Variants in GALNT13 observed in about 807,000 individuals in gnomAD.
The protein encoded by GALNT13 is UDP-GalNAc:polypeptide N-acetylgalactosaminyltransferase 13.
In GALNT13, 28 loss-of-function variants were observed where a neutral mutation model predicts 64.2. The ratio of observed to expected loss-of-function variants is 0.44; its 90% CI spans 0.32 to 0.60. GALNT13 has a LOEUF of 0.60. Among genes scored for constraint, GALNT13 ranks in the 20% least tolerant of loss-of-function variants. GALNT13 has a pLI of 0.05. For missense variants in GALNT13, 577 were observed against 669.8 expected (o/e 0.86, Z 1.53); for synonymous variants, 214 against 224.6 (o/e 0.95, Z 0.42).
At chr2:154,291,630 G>C (rs1447132336) in intron 8 of GALNT13, among the ~76,000 whole-genome samples, 1 of 152,128 alleles carries the variant, frequency 6.6e-6, no homozygotes, top group Admixed American at 6.5e-5. Context: ...CCCAGAACCC[G>C]GCCGGCCCAC....
intron 11 of GALNT13, among the ~76,000 whole-genome samples, chr2:154,410,481 G>A (rs559722633): frequency 6.6e-6 from 1 of 152,018 alleles, no homozygotes; most frequent in African/African-American, 2.4e-5. Context: ...CCACATTCAA[G>A]GCAGGAATAT....
At chr2:153,951,534 G>C (rs1231097707) in intron 3 of GALNT13, among the ~76,000 whole-genome samples, 1 of 152,132 alleles carries the variant, frequency 6.6e-6, no homozygotes, top group East Asian at 1.9e-4. Flanking sequence ...TGGATTGCTT[G>C]CTTGATTCTG....
intron 3 of GALNT13, among the ~76,000 whole-genome samples, chr2:154,048,095 A>G (rs1188693053): frequency 1.3e-5 from 2 of 152,228 alleles, no homozygotes; most frequent in Non-Finnish European, 2.9e-5. Flanking sequence ...TAACCATGGC[A>G]GAAGGCGAAG....
the GALNT13 span, among the ~76,000 whole-genome samples, chr2:153,680,792 C>T: frequency 1.3e-5 from 2 of 151,878 alleles, no homozygotes; most frequent in Admixed American, 1.3e-4. Context: ...TAATATTTGT[C>T]CATCCTCTAA....
At chr2:153,710,950 T>A in the GALNT13 span, among the ~76,000 whole-genome samples, 90 of 152,206 alleles carry the variant, frequency 5.9e-4, no homozygotes, top group African/African-American at 2.0e-3. Context: ...TCTATTTTCT[T>A]TATGAATAAA....
the GALNT13 span, among the ~76,000 whole-genome samples, chr2:153,355,098 A>G: frequency 6.6e-6 from 1 of 152,216 alleles, no homozygotes; most frequent in Non-Finnish European, 1.5e-5. Context: ...TCAGAACAAA[A>G]TATCACGTTA....
chr2:153,806,684 A>AC, the GALNT13 span, among the ~76,000 whole-genome samples: 2 of 151,464 alleles, frequency 1.3e-5, no homozygotes, highest in Non-Finnish European at 3.0e-5. Flanking sequence ...AATTTGTAAA[A>AC]AAAAAAAAAA....
At chr2:154,314,689 T>C (rs1694234351) in intron 9 of GALNT13, among the ~76,000 whole-genome samples, 1 of 152,100 alleles carries the variant, frequency 6.6e-6, no homozygotes, top group Non-Finnish European at 1.5e-5. Context: ...GCCAGTTTCC[T>C]TTTAACAACT....
chr2:154,015,702 A>C (rs2105261847), intron 3 of GALNT13, among the ~76,000 whole-genome samples: 1 of 152,296 alleles, frequency 6.6e-6, no homozygotes, highest in Non-Finnish European at 1.5e-5. Flanking sequence ...TAAATCACAT[A>C]ATAATATCTA....
intron 4 of GALNT13, among the ~76,000 whole-genome samples, chr2:154,222,244 A>G (rs1048001879): frequency 6.6e-6 from 1 of 152,112 alleles, no homozygotes; most frequent in African/African-American, 2.4e-5. Context: ...TCTAGATAAA[A>G]TTTAAATTCC....
At chr2:154,001,650 ATAAT>A (rs1255475400) in intron 3 of GALNT13, among the ~76,000 whole-genome samples, 1 of 152,016 alleles carries the variant, frequency 6.6e-6, no homozygotes, top group Non-Finnish European at 1.5e-5. Flanking sequence ...GGTAGCTATT[ATAAT>A]TAATAATTTT....
chr2:154,208,828 A>G (rs1573879518), intron 4 of GALNT13, among the ~76,000 whole-genome samples: 1 of 152,226 alleles, frequency 6.6e-6, no homozygotes, highest in Non-Finnish European at 1.5e-5. Context: ...TTAATCCTGT[A>G]GAATATTTTT....
chr2:153,126,870 T>C, the GALNT13 span, among the ~76,000 whole-genome samples: 1 of 152,164 alleles, frequency 6.6e-6, no homozygotes, highest in Non-Finnish European at 1.5e-5. Context: ...CTTTTGCAGC[T>C]GAGTTAAAGC....
the GALNT13 span, among the ~76,000 whole-genome samples, chr2:153,819,363 T>G: frequency 6.6e-6 from 1 of 151,812 alleles, no homozygotes; most frequent in Non-Finnish European, 1.5e-5. Flanking sequence ...GAACTAGGAG[T>G]CACAAGCCCT....
At chr2:153,200,042 A>C in the GALNT13 span, among the ~76,000 whole-genome samples, 3 of 152,186 alleles carry the variant, frequency 2.0e-5, no homozygotes, top group Admixed American at 6.5e-5. Flanking sequence ...CCCACAAAAA[A>C]CATATTTTCC....
chr2:153,324,573 G>A, the GALNT13 span, among the ~76,000 whole-genome samples: 912 of 148,414 alleles, frequency 6.1e-3, 11 homozygotes, highest in African/African-American at 0.021. Flanking sequence ...GTCTTTTGCC[G>A]GTGCTTCTGG....
intron 2 of GALNT13, among the ~76,000 whole-genome samples, chr2:153,922,522 C>T (rs2105339187): frequency 6.6e-6 from 1 of 152,122 alleles, no homozygotes; most frequent in South Asian, 2.1e-4. Flanking sequence ...TTATCCTTGT[C>T]TCAAAAATAA....
the GALNT13 span, among the ~76,000 whole-genome samples, chr2:153,630,965 G>A: frequency 1.9e-4 from 28 of 149,980 alleles, no homozygotes; most frequent in East Asian, 5.3e-3. Flanking sequence ...CCCCACTCCC[G>A]CCACCCCACA....
the GALNT13 span, among the ~76,000 whole-genome samples, chr2:153,437,441 C>T: frequency 3.3e-5 from 5 of 152,092 alleles, no homozygotes; most frequent in Admixed American, 6.6e-5. Context: ...AAGTCTCCCA[C>T]TATTATTGTG....
Sources: allele counts gnomAD v4.1 joint callset (sites outside exome capture counted in the v4.1 genomes callset), GRCh38; gene constraint gnomAD v4.1.1; transcripts MANE v1.5; gene names NCBI Gene and HGNC (gene_info 2026-07-23, HGNC 2026-07-21).